NRP1: variants seen among roughly 807,000 people sequenced by gnomAD.
NRP1 encodes the protein neuropilin-1.
Under a neutral mutation model 106.7 loss-of-function variants are expected in NRP1, and 35 were observed. The observed-to-expected ratio is 0.33, with a 90% CI of 0.25 to 0.43. NRP1 has a LOEUF of 0.43. NRP1 is among the 20% of genes least tolerant of loss of function. NRP1 has a pLI of 1.00. For synonymous variants in NRP1, 437 were observed against 417.9 expected (o/e 1.05, Z -0.56); for missense variants, 1,024 against 1,170.4 (o/e 0.87, Z 1.83).
chr10:33,237,027 T>G (rs540539962), intron 6 of NRP1, among the ~76,000 whole-genome samples: 22 of 152,234 alleles, frequency 1.4e-4, no homozygotes, highest in African/African-American at 4.1e-4. Flanking sequence ...TACCTCTGCT[T>G]GGAGCCTAGC....
Position 33,331,569 on chromosome 10 carries a change from C to T in NRP1, c.74-687G>A, listed in dbSNP as rs577212176. On this transcript the variant is annotated intron_variant, in intron 1 of 16. Coordinates refer to ENST00000374867, the MANE Select transcript of NRP1 (RefSeq NM_003873.7). ...ACGGGGCAGAAGGAAAAGTAAATAG[C>T]CACATGGCATTAATTCTAATTACCT... is the stretch of plus-strand genomic sequence containing the variant. Among the ~76,000 whole-genome samples the T allele has an allele frequency of 2.0e-5, 3 of 152,294 alleles. No homozygotes were observed. In the South Asian group the frequency reaches 6.2e-4, roughly 32 times the overall value.
intron 6 of NRP1, among the ~76,000 whole-genome samples, chr10:33,230,412 AT>A (rs1222799379): frequency 6.6e-6 from 1 of 152,210 alleles, no homozygotes; most frequent in Non-Finnish European, 1.5e-5. Context: ...TGCAAGAAGA[AT>A]TCTATGCCCT....
intron 2 of NRP1, among the ~76,000 whole-genome samples, chr10:33,323,965 G>A (rs943877622): frequency 6.6e-5 from 10 of 152,242 alleles, no homozygotes; most frequent in Non-Finnish European, 8.8e-5. Context: ...GTGAAATCTC[G>A]TTGGAAATGC....
intron 2 of NRP1, among the ~76,000 whole-genome samples, chr10:33,305,473 T>C (rs1005174622): frequency 7.9e-5 from 12 of 152,002 alleles, no homozygotes; most frequent in African/African-American, 2.7e-4. Context: ...CCTGGAAAAG[T>C]AAGAAGTAGG....
At chr10:33,289,467 G>A (rs888153214) in intron 2 of NRP1, among the ~76,000 whole-genome samples, 10 of 152,082 alleles carry the variant, frequency 6.6e-5, no homozygotes, top group Non-Finnish European at 1.3e-4. Flanking sequence ...TGAGGTCCAC[G>A]TCATCATGAC....
chr10:33,297,446 G>A (rs1845480955), intron 2 of NRP1, among the ~76,000 whole-genome samples: 1 of 152,168 alleles, frequency 6.6e-6, no homozygotes, highest in Admixed American at 6.5e-5. Flanking sequence ...AGCAATTTGG[G>A]AAGCCAAGGT....
chr10:33,256,596 T>A lies in NRP1; in HGVS notation c.659-125A>T, dbSNP rs1005146204. 3.0e-6 allele frequency: 3 copies of A among 1,010,532 alleles called. No homozygotes were observed. The African/African-American group carries it at 4.9e-5, about 16-fold the overall frequency. 62.6% of individuals were successfully genotyped at this position (1,010,532 alleles called of 1,614,324 possible). The stretch of plus-strand genomic sequence containing the variant: ...GTGTTTTCTAACCCAAAGCAAGGCT[T>A]CCCTAAGTTAATTGGTTTGCTGTGA... On this transcript the variant is annotated intron_variant, in intron 4 of 16. Coordinates refer to ENST00000374867, the MANE Select transcript of NRP1 (RefSeq NM_003873.7).
intron 2 of NRP1, among the ~76,000 whole-genome samples, chr10:33,299,741 G>C (rs1845669415): frequency 6.6e-6 from 1 of 152,142 alleles, no homozygotes; most frequent in East Asian, 1.9e-4. Flanking sequence ...AGCTATGATT[G>C]CATCACTGCT....
intron 2 of NRP1, among the ~76,000 whole-genome samples, chr10:33,289,007 G>A (rs551605802): frequency 6.6e-6 from 1 of 152,104 alleles, no homozygotes; most frequent in Non-Finnish European, 1.5e-5. Context: ...CTGGGATTAA[G>A]TTCATGCTAC....
At chr10:33,233,182 G>A (rs1389631301) in intron 6 of NRP1, among the ~76,000 whole-genome samples, 7 of 152,116 alleles carry the variant, frequency 4.6e-5, no homozygotes, top group Non-Finnish European at 7.3e-5. Context: ...AATTGTGTGA[G>A]TAGAGGAAAA....
chr10:33,202,946 A>C lies in NRP1; in HGVS notation c.1809T>G (p.Cys603Trp), dbSNP rs890907414. The change falls in exon 11 of 17, where the codon TGT becomes TGG. Residue 603 changes from cysteine to tryptophan, a missense_variant. Coordinates refer to ENST00000374867, the MANE Select transcript of NRP1 (RefSeq NM_003873.7). ...TGTGGCAGTTGGCCTGGTCGTCATC[A>C]CATTCATCCACCAAGTTCCCGTTGG... ...TTPNGNLVDE[C>W]DDDQANCHSG... The C allele has an allele frequency of 1.1e-5, 18 of 1,614,098 alleles. No homozygotes were observed. The highest frequency in any genetic ancestry group is 1.0e-4 in the Admixed American group (6 of 60,006).
Position 33,323,373 on chromosome 10 carries a change from G to A in NRP1, c.248+7335C>T, listed in dbSNP as rs991749301. Among the ~76,000 whole-genome samples, 5 of 152,252 alleles carry A rather than the reference G, an allele frequency of 3.3e-5. No homozygotes were observed. The South Asian group carries it at 6.2e-4, about 19-fold the overall frequency. ...TGGGCTTGATGAGGAGGAAGACCAC[G>A]TTATAAGGCAAAAGTTCTCCATGAA... On this transcript the variant is annotated intron_variant, in intron 2 of 16. Coordinates refer to ENST00000374867, the MANE Select transcript of NRP1 (RefSeq NM_003873.7).
chr10:33,217,377 T>TA (rs10711237), intron 8 of NRP1, among the ~76,000 whole-genome samples: 129 of 146,226 alleles, frequency 8.8e-4, no homozygotes, highest in Admixed American at 7.5e-4. Context: ...GCTGCCTCAT[T>TA]AAAAAAAAAA....
intron 7 of NRP1, 31 bp downstream of exon 7, chr10:33,226,103 A>G (rs1212635272): frequency 6.2e-7 from 1 of 1,610,296 alleles, no homozygotes; most frequent in African/African-American, 1.3e-5. Flanking sequence ...TAAAAGACCA[A>G]ATTGGTTGCC....
chr10:33,222,336 C>T (rs907392184), intron 7 of NRP1, among the ~76,000 whole-genome samples: 5 of 152,122 alleles, frequency 3.3e-5, no homozygotes, highest in Non-Finnish European at 7.4e-5. Flanking sequence ...GCGTTCTCCC[C>T]TTTGACTTCA....
intron 2 of NRP1, among the ~76,000 whole-genome samples, chr10:33,305,438 A>G (rs1394182957): frequency 6.6e-6 from 1 of 152,190 alleles, no homozygotes; most frequent in African/African-American, 2.4e-5. Flanking sequence ...TGCACTCCCA[A>G]ACACCAGATC....
At chr10:33,272,141 T>C (rs1843349132) in intron 2 of NRP1, among the ~76,000 whole-genome samples, 1 of 152,204 alleles carries the variant, frequency 6.6e-6, no homozygotes, top group Non-Finnish European at 1.5e-5. Flanking sequence ...GCATGACTTA[T>C]GTTTACATAA....
At chr10:33,248,341 G>A (rs11009320) in intron 6 of NRP1, among the ~76,000 whole-genome samples, 26,825 of 152,086 alleles carry the variant, frequency 0.18, 2,797 homozygotes, top group East Asian at 0.51. Context: ...ATAAGATTTC[G>A]TTGTTAGAGT....
chr10:33,185,670 C>G lies in NRP1; in HGVS notation c.2389G>C (p.Asp797His), dbSNP rs757346128. The G allele has an allele frequency of 6.2e-7, 1 of 1,614,106 alleles. No individual in the cohort carries two copies. The highest frequency in any genetic ancestry group is 8.5e-7 in the Non-Finnish European group (1 of 1,179,962). ...KGNLGGIAVD[D>H]ISINNHISQE... ...GAAATGTGGTTATTAATACTAATGT[C>G]ATCCACAGCAATCCCACCAAGGTTT... The change falls in exon 15 of 17, where the codon GAC becomes CAC. Residue 797 changes from aspartate (D) to histidine (H), a missense_variant. Asp to His is a moderately conservative substitution (Grantham distance 81). This residue lies in a region of NRP1 where 164 missense variants were observed against 161.4 expected (regional missense o/e 1.02). Coordinates refer to ENST00000374867, the MANE Select transcript of NRP1 (RefSeq NM_003873.7).
Sources: allele counts gnomAD v4.1 joint callset (sites outside exome capture counted in the v4.1 genomes callset), GRCh38; gene constraint gnomAD v4.1.1; regional missense constraint gnomAD v4.1.1; transcripts MANE v1.5; gene names NCBI Gene and HGNC (gene_info 2026-07-23, HGNC 2026-07-21).